The following EDIL3 variants were observed in gnomAD, a reference collection of about 807,000 sequenced individuals.
EDIL3 encodes EGF like and discoidin domains 3.
Under a neutral mutation model 67.4 loss-of-function variants are expected in EDIL3, and 37 were observed. That is an observed-to-expected ratio of 0.55 (90% CI 0.42 to 0.72). The LOEUF (loss-of-function observed/expected upper bound fraction) is 0.72. Among genes scored for constraint, EDIL3 ranks in the 30% least tolerant of loss-of-function variants. EDIL3 has a pLI of 0.00. For synonymous variants in EDIL3, 195 were observed against 196.3 expected, an observed-to-expected ratio of 0.99 and a Z score of 0.05; for missense variants, 527 against 586.3, an observed-to-expected ratio of 0.90 and a Z score of 1.04.
intron 4 of EDIL3, among the ~76,000 whole-genome samples, chr5:84,161,579 T>C (rs1241776405): frequency 2.0e-5 from 3 of 152,162 alleles, no homozygotes; most frequent in Non-Finnish European, 4.4e-5. Context: ...ATTGTTTTTC[T>C]GATTATTTCT....
chr5:84,283,308 C>T (rs577476671), intron 1 of EDIL3, among the ~76,000 whole-genome samples: 2 of 152,260 alleles, frequency 1.3e-5, no homozygotes, highest in South Asian at 4.1e-4. Context: ...GTTAACTATT[C>T]ATGTTTAGTT....
At chr5:84,145,835 T>A (rs1017119506) in intron 4 of EDIL3, among the ~76,000 whole-genome samples, 4 of 148,458 alleles carry the variant, frequency 2.7e-5, no homozygotes, top group African/African-American at 9.9e-5. Flanking sequence ...GGCACATTTA[T>A]CTAGAAACCC....
At chr5:84,016,383 C>T (rs939652067) in intron 9 of EDIL3, among the ~76,000 whole-genome samples, 23 of 152,102 alleles carry the variant, frequency 1.5e-4, no homozygotes, top group African/African-American at 2.7e-4. Context: ...TCCTCTAAAG[C>T]GTCATTTTGA....
intron 1 of EDIL3, among the ~76,000 whole-genome samples, chr5:84,299,504 T>C (rs888025737): frequency 1.3e-5 from 2 of 152,184 alleles, no homozygotes; most frequent in African/African-American, 4.8e-5. Flanking sequence ...CAGTTCTACC[T>C]CCTTAAATTA....
chr5:84,160,336 A>G (rs1365792634), intron 4 of EDIL3, among the ~76,000 whole-genome samples: 4 of 152,128 alleles, frequency 2.6e-5, no homozygotes, highest in African/African-American at 4.8e-5. Flanking sequence ...CAACTACTCT[A>G]TAAGTAGTGT....
chr5:84,015,851 GA>G (rs1745595875), intron 9 of EDIL3, among the ~76,000 whole-genome samples: 2 of 152,132 alleles, frequency 1.3e-5, no homozygotes, highest in Non-Finnish European at 2.9e-5. Context: ...ATATCCCTTA[GA>G]GTTTTCACTT....
intron 1 of EDIL3, among the ~76,000 whole-genome samples, chr5:84,321,574 C>T (rs1203530153): frequency 1.3e-5 from 2 of 152,258 alleles, no homozygotes; most frequent in South Asian, 2.1e-4. Context: ...AGCAGCTCCT[C>T]ATTCTCAACC....
intron 6 of EDIL3, among the ~76,000 whole-genome samples, chr5:84,087,176 A>G (rs1483559748): frequency 1.3e-5 from 2 of 152,238 alleles, no homozygotes; most frequent in Non-Finnish European, 2.9e-5. Flanking sequence ...CTCTTAATAA[A>G]TATTTGTTGA....
In EDIL3 at chr5:84,074,246, G is replaced by A. The variant is rs200832243; in HGVS notation, c.652-7640C>T. Among the ~76,000 whole-genome samples the A allele has an allele frequency of 3.0e-3, 441 of 144,922 alleles. 5 individuals are homozygous for A. Among genetic ancestry groups the A allele is most frequent in the African/African-American group, 0.011 (402 of 37,366 alleles). Reference sequence around the variant, plus strand: ...GTTAGACCTAAAACCATAAACACCCGAGAAGAAAACCTAGGCATTACCATT... The same window carrying A: ...GTTAGACCTAAAACCATAAACACCCAAGAAGAAAACCTAGGCATTACCATT... On this transcript the variant is annotated intron_variant, in intron 6 of 10. Coordinates refer to ENST00000296591, the MANE Select transcript of EDIL3 (RefSeq NM_005711.5).
intron 2 of EDIL3, among the ~76,000 whole-genome samples, chr5:84,235,720 A>G (rs1744669061): frequency 1.3e-5 from 2 of 152,064 alleles, no homozygotes; most frequent in Admixed American, 1.3e-4. Context: ...TCATTTTGTA[A>G]TATTATTAAA....
intron 9 of EDIL3, among the ~76,000 whole-genome samples, chr5:84,012,295 T>C (rs1047876127): frequency 1.3e-5 from 2 of 152,244 alleles, no homozygotes; most frequent in African/African-American, 2.4e-5. Context: ...TCTAAATCTG[T>C]TTTTGGTTTG....
chr5:84,384,540 G>A lies in EDIL3; in HGVS notation c.-166C>T, dbSNP rs1327365445. The A allele has an allele frequency of 1.6e-6, 1 of 620,724 alleles. No individual in the cohort carries two copies. The highest frequency in any genetic ancestry group is 2.7e-6 in the Non-Finnish European group (1 of 368,032). The allele number at this position is 620,724 out of a possible 1,614,324, so 38.5% of individuals were successfully genotyped here. ...TTAAACAAATTCTTGGAGAGGGCGA[G>A]AGTGGTGACTAAAGAGAGGAGCCTT... On this transcript the variant is annotated 5_prime_UTR_variant, in exon 1 of 11. Coordinates refer to ENST00000296591, the MANE Select transcript of EDIL3 (RefSeq NM_005711.5).
intron 10 of EDIL3, among the ~76,000 whole-genome samples, chr5:83,952,733 T>C (rs1744443469): frequency 1.3e-5 from 2 of 151,948 alleles, no homozygotes; most frequent in Admixed American, 6.6e-5. Context: ...AATTTGAGAC[T>C]CTACCCCTGA....
At chr5:84,376,344 A>G (rs1158783368) in intron 1 of EDIL3, among the ~76,000 whole-genome samples, 1 of 152,200 alleles carries the variant, frequency 6.6e-6, no homozygotes, top group Non-Finnish European at 1.5e-5. Context: ...AAAGCAAAAA[A>G]AATAAAAACA....
At chr5:84,306,349 CA>C (rs1409064090) in intron 1 of EDIL3, among the ~76,000 whole-genome samples, 1 of 152,088 alleles carries the variant, frequency 6.6e-6, no homozygotes, top group Non-Finnish European at 1.5e-5. Flanking sequence ...GAAAAAGGAA[CA>C]AATTGAGGTT....
intron 1 of EDIL3, among the ~76,000 whole-genome samples, chr5:84,306,077 T>C (rs1746270839): frequency 6.6e-6 from 1 of 152,118 alleles, no homozygotes; most frequent in Admixed American, 6.5e-5. Flanking sequence ...CTATTCTGCC[T>C]AGGTTTCTAA....
intron 5 of EDIL3, among the ~76,000 whole-genome samples, chr5:84,117,719 A>T (rs924741074): frequency 1.3e-5 from 2 of 151,874 alleles, no homozygotes; most frequent in African/African-American, 4.8e-5. Context: ...AGGACTTAAT[A>T]CTTTTTTTTT....
At chr5:84,206,629 T>C (rs1444389883) in intron 3 of EDIL3, among the ~76,000 whole-genome samples, 1 of 152,104 alleles carries the variant, frequency 6.6e-6, no homozygotes, top group Non-Finnish European at 1.5e-5. Flanking sequence ...TTGATGAACA[T>C]TGATGCAAAA....
intron 1 of EDIL3, among the ~76,000 whole-genome samples, chr5:84,268,011 C>T (rs1420288170): frequency 6.6e-6 from 1 of 152,138 alleles, no homozygotes; most frequent in African/African-American, 2.4e-5. Flanking sequence ...GCTGCGTGTG[C>T]CTGTAGTCCC....
Sources: allele counts gnomAD v4.1 joint callset (sites outside exome capture counted in the v4.1 genomes callset), GRCh38; gene constraint gnomAD v4.1.1; transcripts MANE v1.5; gene names NCBI Gene and HGNC (gene_info 2026-07-23, HGNC 2026-07-21).